The following CTNNA3 variants were observed in gnomAD, a reference collection of about 807,000 sequenced individuals.
CTNNA3 encodes catenin alpha-3.
In CTNNA3, 76 loss-of-function variants were observed where a neutral mutation model predicts 95.7. That is an observed-to-expected ratio of 0.79 (90% confidence interval 0.66 to 0.96). The LOEUF (loss-of-function observed/expected upper bound fraction) is 0.96, where lower values mean the gene tolerates loss of function less well. Ranked by LOEUF, CTNNA3 falls within the 40% of genes least tolerant of loss-of-function variation. The pLI, the probability that CTNNA3 is intolerant of heterozygous loss-of-function variation, is 0.00. For synonymous variants in CTNNA3, 431 were observed against 374.4 expected, an observed-to-expected ratio of 1.15 and a Z score of -1.74; for missense variants, 1,191 against 1,089.8, an observed-to-expected ratio of 1.09 and a Z score of -1.31.
chr10:65,989,275 A>G (rs1203576336), intron 15 of CTNNA3, among the ~76,000 whole-genome samples: 1 of 152,146 alleles, frequency 6.6e-6, no homozygotes, highest in Non-Finnish European at 1.5e-5. Flanking sequence ...TGAAAAGAGC[A>G]CAATCAGACT....
intron 5 of CTNNA3, among the ~76,000 whole-genome samples, chr10:67,516,712 T>G (rs1839829435): frequency 6.6e-6 from 1 of 152,202 alleles, no homozygotes; most frequent in African/African-American, 2.4e-5. Flanking sequence ...CAGAACTTGT[T>G]CATCTTATAA....
intron 10 of CTNNA3, among the ~76,000 whole-genome samples, chr10:66,577,808 T>C (rs12268762): frequency 0.29 from 43,734 of 151,968 alleles, 6,714 homozygotes; most frequent in Middle Eastern, 0.42. Flanking sequence ...GATTCAGTCT[T>C]TTCTTTGATT....
chr10:67,632,001 G>T (rs565748660), intron 2 of CTNNA3, among the ~76,000 whole-genome samples: 19 of 152,198 alleles, frequency 1.2e-4, no homozygotes, highest in African/African-American at 3.6e-4. Flanking sequence ...TTGATCAAAG[G>T]ATATAAAATT....
At chr10:65,941,354 T>A (rs576560587) in intron 17 of CTNNA3, among the ~76,000 whole-genome samples, 1 of 152,330 alleles carries the variant, frequency 6.6e-6, no homozygotes, top group East Asian at 1.9e-4. Context: ...AATCCAGGTC[T>A]ACCTGACTCC....
intron 11 of CTNNA3, among the ~76,000 whole-genome samples, chr10:66,420,677 T>C (rs2093184089): frequency 6.6e-6 from 1 of 151,976 alleles, no homozygotes. Context: ...CATGTGCCTG[T>C]AGTACCAGCT....
chr10:66,473,735 A>G (rs1186604969), intron 11 of CTNNA3, among the ~76,000 whole-genome samples: 5 of 151,950 alleles, frequency 3.3e-5, no homozygotes, highest in Non-Finnish European at 1.5e-5. Flanking sequence ...CTCATTGTTC[A>G]ATTCCCATCT....
At chr10:66,872,523 G>A (rs1039582871) in intron 7 of CTNNA3, among the ~76,000 whole-genome samples, 6 of 151,978 alleles carry the variant, frequency 3.9e-5, no homozygotes, top group African/African-American at 1.5e-4. Flanking sequence ...ACAAAAATTA[G>A]CTGGGCATGG....
At chr10:65,944,681 C>T (rs2077482018) in intron 17 of CTNNA3, among the ~76,000 whole-genome samples, 1 of 152,030 alleles carries the variant, frequency 6.6e-6, no homozygotes, top group African/African-American at 2.4e-5. Context: ...CAGGTTGTTC[C>T]AGGGATATAG....
intron 12 of CTNNA3, among the ~76,000 whole-genome samples, chr10:66,368,498 C>A (rs537905125): frequency 1.3e-5 from 2 of 151,590 alleles, no homozygotes; most frequent in African/African-American, 4.8e-5. Flanking sequence ...GTTATTTTAA[C>A]GGGATGTTAG....
intron 12 of CTNNA3, among the ~76,000 whole-genome samples, chr10:66,340,636 T>G (rs1280079593): frequency 6.6e-6 from 1 of 151,802 alleles, no homozygotes; most frequent in East Asian, 1.9e-4. Context: ...TTATGGTTAT[T>G]CATATTTCAA....
intron 12 of CTNNA3, among the ~76,000 whole-genome samples, chr10:66,348,384 C>A (rs2092541116): frequency 6.6e-6 from 1 of 152,030 alleles, no homozygotes; most frequent in Admixed American, 6.5e-5. Flanking sequence ...ACTGAGACTC[C>A]ATTTCCTCAT....
rs557613136 is a variant in CTNNA3 at position 66,326,327 on chromosome 10, T to C, written c.1733-45706A>G. On this transcript the variant is annotated intron_variant, in intron 12 of 17. Coordinates refer to ENST00000433211, the MANE Select transcript of CTNNA3 (RefSeq NM_013266.4). ...GCACCTTCTTCATCTACATAACCAA[T>C]AAGAGTTTCATATAAGGCAGATGAT... Among the ~76,000 whole-genome samples, 5 of 152,162 alleles carry C rather than the reference T, an allele frequency of 3.3e-5. No homozygotes were observed. In the East Asian group the frequency reaches 7.7e-4, roughly 24 times the overall value.
At chr10:66,563,363 T>C (rs1426758817) in intron 10 of CTNNA3, among the ~76,000 whole-genome samples, 1 of 152,132 alleles carries the variant, frequency 6.6e-6, no homozygotes, top group Non-Finnish European at 1.5e-5. Context: ...CAAAGACTTC[T>C]TTTTCTCTAT....
intron 7 of CTNNA3, among the ~76,000 whole-genome samples, chr10:66,878,906 C>T (rs951366823): frequency 2.0e-5 from 3 of 152,128 alleles, no homozygotes; most frequent in Admixed American, 2.0e-4. Context: ...TGACTTTGTA[C>T]AAACCAATAA....
intron 9 of CTNNA3, among the ~76,000 whole-genome samples, chr10:66,638,437 C>T (rs1845408334): frequency 1.3e-5 from 2 of 152,112 alleles, no homozygotes; most frequent in Non-Finnish European, 2.9e-5. Context: ...CGCCGCCCAC[C>T]CCTCCGCCGC....
chr10:67,287,426 C>T (rs1018853976), intron 5 of CTNNA3, among the ~76,000 whole-genome samples: 1 of 152,110 alleles, frequency 6.6e-6, no homozygotes, highest in Non-Finnish European at 1.5e-5. Flanking sequence ...TTTGCCATCA[C>T]TTTCGTGCAA....
intron 13 of CTNNA3, among the ~76,000 whole-genome samples, chr10:66,251,555 C>A (rs909582858): frequency 6.6e-6 from 1 of 152,062 alleles, no homozygotes; most frequent in Non-Finnish European, 1.5e-5. Flanking sequence ...ACTGAGCCAA[C>A]CTCTTGTAAT....
chr10:67,244,777 C>A (rs1589078916), intron 5 of CTNNA3, among the ~76,000 whole-genome samples: 1 of 152,132 alleles, frequency 6.6e-6, no homozygotes, highest in South Asian at 2.1e-4. Context: ...GTCCAGAAAA[C>A]CGGTATGAAA....
chr10:67,165,188 A>G (rs1268317682), intron 7 of CTNNA3, among the ~76,000 whole-genome samples: 1 of 152,222 alleles, frequency 6.6e-6, no homozygotes, highest in Non-Finnish European at 1.5e-5. Context: ...AGAATAAACT[A>G]TCAATATATC....
Sources: gnomAD v4.1 joint callset for allele counts (sites outside exome capture counted in the v4.1 genomes callset) on GRCh38, gnomAD v4.1.1 for gene constraint, MANE v1.5 for transcripts, NCBI Gene and HGNC (gene_info 2026-07-23, HGNC 2026-07-21) for gene names.